PKIA: variants seen among roughly 807,000 people sequenced by gnomAD.
The protein encoded by PKIA is PKI-alpha.
A neutral mutation model predicts 7.6 loss-of-function variants in PKIA; 4 were observed. The observed-to-expected ratio is 0.52, with a 90% CI of 0.26 to 1.20. PKIA has a LOEUF of 1.20. PKIA is among the 50% of genes most tolerant of loss of function. The pLI is 0.13. For missense variants in PKIA, 73 were observed against 86.2 expected (o/e 0.85, Z 0.61); for synonymous variants, 21 against 30.7 (o/e 0.68, Z 1.04).
intron 1 of PKIA, among the ~76,000 whole-genome samples, chr8:78,558,795 A>T (rs1344362574): frequency 6.6e-6 from 1 of 152,214 alleles, no homozygotes; most frequent in African/African-American, 2.4e-5. Flanking sequence ...AGAATCAATC[A>T]TTAAGCGATA....
chr8:78,521,584 C>A (rs954416432), intron 1 of PKIA, among the ~76,000 whole-genome samples: 41 of 151,790 alleles, frequency 2.7e-4, no homozygotes, highest in African/African-American at 9.9e-4. Context: ...TTACATTTCC[C>A]AAATACCTTT....
intron 2 of PKIA, among the ~76,000 whole-genome samples, chr8:78,580,483 G>T (rs1807778721): frequency 6.6e-6 from 1 of 152,010 alleles, no homozygotes; most frequent in African/African-American, 2.4e-5. Context: ...GGCAGGGTGG[G>T]TATACAGGGT....
intron 1 of PKIA, among the ~76,000 whole-genome samples, chr8:78,547,077 AAG>A (rs1250560367): frequency 2.6e-5 from 4 of 152,128 alleles, no homozygotes; most frequent in Non-Finnish European, 5.9e-5. Flanking sequence ...GAAAAGAAAA[AAG>A]AGAAAAAACA....
Position 78,559,168 on chromosome 8 carries a change from C to T in PKIA, c.-156-13643C>T, listed in dbSNP as rs147706928. Among the ~76,000 whole-genome samples the T allele has an allele frequency of 6.9e-3, 1,056 of 152,192 alleles. 14 individuals carry two copies. The highest frequency in any genetic ancestry group is 0.024 in the African/African-American group (993 of 41,524). ...AACTCCTGACCTCAGGTGATCCACC[C>T]GCCTCGGCCTCCCAAAGTGCTAGGA... is the stretch of plus-strand genomic sequence containing the variant. On this transcript the variant is annotated intron_variant, in intron 1 of 3. Transcript: ENST00000396418.
chr8:78,587,295 A>G (rs1371642479), intron 2 of PKIA, among the ~76,000 whole-genome samples: 4 of 152,218 alleles, frequency 2.6e-5, no homozygotes, highest in Non-Finnish European at 4.4e-5. Flanking sequence ...GGCAAGTATT[A>G]TATAACAAAG....
chr8:78,529,233 A>T (rs1314763093), intron 1 of PKIA, among the ~76,000 whole-genome samples: 4 of 152,114 alleles, frequency 2.6e-5, no homozygotes. Flanking sequence ...TATACCTGCT[A>T]CTTCCTTTTT....
At chr8:78,585,064 C>T (rs1807915361) in intron 2 of PKIA, among the ~76,000 whole-genome samples, 1 of 152,016 alleles carries the variant, frequency 6.6e-6, no homozygotes, top group Non-Finnish European at 1.5e-5. Context: ...CAACTTGTCT[C>T]TTGGCCAAAA....
chr8:78,551,182 A>G (rs1033413573), intron 1 of PKIA, among the ~76,000 whole-genome samples: 1 of 152,086 alleles, frequency 6.6e-6, no homozygotes, highest in Non-Finnish European at 1.5e-5. Context: ...TTACAAAAGA[A>G]GAGTCTTTAG....
Position 78,525,243 on chromosome 8 carries a change from G to A in PKIA, c.-157+8775G>A, listed in dbSNP as rs150156009. On this transcript the variant is annotated intron_variant, in intron 1 of 3. Coordinates refer to ENST00000396418, the MANE Select transcript of PKIA (RefSeq NM_006823.4). Reference sequence around the variant, plus strand: ...GACTTTTAGAAAACTCAGAATGCAAGATAGAGATTATAATGATGGAGTATT... The same window carrying A: ...GACTTTTAGAAAACTCAGAATGCAAAATAGAGATTATAATGATGGAGTATT... Among the ~76,000 whole-genome samples the A allele has an allele frequency of 3.4e-3, 515 of 151,808 alleles. 2 individuals are homozygous for A. Among genetic ancestry groups the A allele is most frequent in the African/African-American group, 0.012 (479 of 41,474 alleles).
rs1404252553 is a variant in PKIA at position 78,602,325 on chromosome 8, A to G, written c.*504A>G. On this transcript the variant is annotated 3_prime_UTR_variant, in exon 4 of 4. Transcript: ENST00000396418. ...TTATTTACACTGTTTTGTATTGTACAATATATATGCTCAGCACTGCCCCCT... is the reference window on the plus strand; with the variant it reads ...TTATTTACACTGTTTTGTATTGTACGATATATATGCTCAGCACTGCCCCCT... 6.4e-6 allele frequency: 1 copy of G among 156,506 alleles called. No homozygotes were observed. The highest frequency in any genetic ancestry group is 1.9e-4 in the East Asian group (1 of 5,264). The allele number at this position is 156,506 out of a possible 1,614,324, so 9.7% of individuals were successfully genotyped here. A position where few individuals can be genotyped will look rare whatever the true frequency, so the allele number is the denominator to read the frequency against.
chr8:78,548,648 G>T (rs867715636), intron 1 of PKIA, among the ~76,000 whole-genome samples: 1 of 152,054 alleles, frequency 6.6e-6, no homozygotes, highest in Admixed American at 6.6e-5. Context: ...ACACTGAATC[G>T]TATAGAGATA....
At chr8:78,520,863 T>C (rs1809403075) in intron 1 of PKIA, among the ~76,000 whole-genome samples, 2 of 152,168 alleles carry the variant, frequency 1.3e-5, no homozygotes, top group South Asian at 2.1e-4. Flanking sequence ...TTGGACAATA[T>C]GTGTGTCCTT....
At chr8:78,517,574 G>A (rs1809339368) in intron 1 of PKIA, among the ~76,000 whole-genome samples, 1 of 152,168 alleles carries the variant, frequency 6.6e-6, no homozygotes, top group Non-Finnish European at 1.5e-5. Context: ...TTTCCAGTGA[G>A]GTTTTCCTCG....
In PKIA at chr8:78,598,402, T is replaced by C; in HGVS notation, c.18T>C (p.Thr6=). 1 of 1,611,872 alleles carries C rather than the reference T, an allele frequency of 6.2e-7. No homozygotes were observed. The highest frequency in any genetic ancestry group is 1.1e-5 in the South Asian group (1 of 90,846). The change falls in exon 3 of 4, where the codon ACT becomes ACC. Residue 6 remains threonine (T), a synonymous_variant. Transcript: ENST00000396418. MTDVE[T]TYADFIASGR... is the part of the protein sequence containing the mutation. The stretch of plus-strand genomic sequence containing the variant: ...TGGTAGCAATGACTGATGTGGAAAC[T>C]ACATATGCAGATTTTATTGCTTCAG...
intron 1 of PKIA, chr8:78,556,706 C>T (rs544916094): frequency 2.0e-5 from 3 of 152,124 alleles, no homozygotes; most frequent in Admixed American, 6.5e-5. Flanking sequence ...TTTTACATTT[C>T]TCATGGATAA....
intron 1 of PKIA, among the ~76,000 whole-genome samples, chr8:78,529,847 TTA>T (rs1806350661): frequency 6.6e-6 from 1 of 151,580 alleles, no homozygotes; most frequent in South Asian, 2.1e-4. Flanking sequence ...TAAAAGTCAA[TTA>T]TCAATGGTTA....
intron 1 of PKIA, among the ~76,000 whole-genome samples, chr8:78,517,498 A>C (rs1383832927): frequency 6.6e-6 from 1 of 152,208 alleles, no homozygotes; most frequent in Non-Finnish European, 1.5e-5. Flanking sequence ...AAGATTTGGG[A>C]CAAATCCTTT....
chr8:78,601,870 G>C lies in PKIA; in HGVS notation c.*49G>C, dbSNP rs1808358026. ...CACCTGAAAATGTCTCAAATCTCCA[G>C]GAGTATCTGGAATGCATTTGTTTCC... On this transcript the variant is annotated 3_prime_UTR_variant, in exon 4 of 4. Transcript: ENST00000396418. 1 of 1,373,284 alleles carries C rather than the reference G, an allele frequency of 7.3e-7. No homozygotes were observed. Among genetic ancestry groups the C allele is most frequent in the East Asian group, 2.3e-5 (1 of 43,682 alleles). The allele number at this position is 1,373,284 out of a possible 1,614,324, so 85.1% of individuals were successfully genotyped here. A position where few individuals can be genotyped will look rare whatever the true frequency, so the allele number is the denominator to read the frequency against.
chr8:78,596,741 A>C (rs1438071428), intron 2 of PKIA, among the ~76,000 whole-genome samples: 2 of 152,158 alleles, frequency 1.3e-5, no homozygotes, highest in Admixed American at 1.3e-4. Context: ...AATTATTTGC[A>C]AGGGCCTATG....
Sources: allele counts gnomAD v4.1 joint callset (sites outside exome capture counted in the v4.1 genomes callset), GRCh38; gene constraint gnomAD v4.1.1; transcripts MANE v1.5; gene names NCBI Gene and HGNC (gene_info 2026-07-23, HGNC 2026-07-21).